Variants in KLHL17 observed in about 807,000 individuals in gnomAD.
KLHL17 encodes the protein kelch-like protein 17.
A neutral mutation model predicts 64.6 loss-of-function variants in KLHL17; 71 were observed. That is an observed-to-expected ratio of 1.10 (90% CI 0.91 to 1.34). The LOEUF is 1.34. Ranked by LOEUF, KLHL17 falls within the 40% of genes most tolerant of loss-of-function variation. The pLI is 0.00. For missense variants in KLHL17, 1,140 were observed against 935.0 expected (o/e 1.22, Z -2.86); for synonymous variants, 612 against 405.4 (o/e 1.51, Z -6.12).
chr1:964,954 TC>T lies in KLHL17; in HGVS notation c.1701-3del. 6.3e-7 allele frequency: 1 copy of T among 1,583,538 alleles called. No individual in the cohort carries two copies. Among genetic ancestry groups the T allele is most frequent in the Non-Finnish European group, 8.6e-7 (1 of 1,159,254 alleles). ...CTGCAGCCAGGGGCTCACCCCGCCT[TC>T]CCCCCAGGAGCACGCATGACCTGGT... On this transcript the variant is annotated splice_polypyrimidine_tract_variant and splice_region_variant and intron_variant, in intron 11 of 11. Coordinates refer to ENST00000338591, the MANE Select transcript of KLHL17 (RefSeq NM_198317.3).
At chr1:962,578 G>C (rs1276789472) in intron 5 of KLHL17, 107 bp downstream of exon 5, 2 of 1,529,884 alleles carry the variant, frequency 1.3e-6, no homozygotes, top group Non-Finnish European at 1.8e-6. Context: ...CCGTGGGGGT[G>C]GTGCCCCCAC....
At chr1:963,054 T>C (rs1461762997) in intron 6 of KLHL17, 55 bp from the exon 7 acceptor site, 3 of 1,590,986 alleles carry the variant, frequency 1.9e-6, no homozygotes, top group South Asian at 1.1e-5. Context: ...GAGCCTGGGG[T>C]GTGGCCCAGC....
chr1:962,005 C>T lies in KLHL17; in HGVS notation c.669C>T (p.Asp223=), dbSNP rs778990282. Residue 223 remains aspartate (D), a synonymous_variant, in exon 4 of 12, where the codon GAC becomes GAT. Coordinates refer to ENST00000338591, the MANE Select transcript of KLHL17 (RefSeq NM_198317.3). ...AHRYVLQHFV[D]VAKTEEFMLL... The stretch of plus-strand genomic sequence containing the variant: ...GGTACGTGCTGCAGCACTTCGTGGA[C>T]GTGGCCAAGACCGAGGAGTTTATGC... 27 of 1,612,772 alleles carry T rather than the reference C, an allele frequency of 1.7e-5. No individual in the cohort carries two copies. The highest frequency in any genetic ancestry group is 4.4e-5 in the South Asian group (4 of 91,092).
chr1:964,195 C>T lies in KLHL17; in HGVS notation c.1518+15C>T, dbSNP rs1346797902. 4 of 1,611,872 alleles carry T rather than the reference C, an allele frequency of 2.5e-6. No homozygotes were observed. Among genetic ancestry groups the T allele is most frequent in the Admixed American group, 1.7e-5 (1 of 60,014 alleles). Reference sequence around the variant, plus strand: ...ATGAGCCCCAGGTGCATAGTGCACCCCTCCTGGCCACCCCCTCCCGTGCGC... The same window carrying T: ...ATGAGCCCCAGGTGCATAGTGCACCTCTCCTGGCCACCCCCTCCCGTGCGC... On this transcript the variant is annotated intron_variant, in intron 10 of 11. Coordinates refer to ENST00000338591, the MANE Select transcript of KLHL17 (RefSeq NM_198317.3).
Position 961,617 on chromosome 1 carries a change from C to T in KLHL17, c.368-12C>T, listed in dbSNP as rs2100413798. 6.2e-7 allele frequency: 1 copy of T among 1,612,804 alleles called. No individual in the cohort carries two copies. Among genetic ancestry groups the T allele is most frequent in the Non-Finnish European group, 8.5e-7 (1 of 1,179,964 alleles). ...CCCTCGGGTCAGCTCGTGTAACCCGCTGTCCCCGCAGATGAGATGAGCGAG... is the reference window on the plus strand; with the variant it reads ...CCCTCGGGTCAGCTCGTGTAACCCGTTGTCCCCGCAGATGAGATGAGCGAG... On this transcript the variant is annotated splice_polypyrimidine_tract_variant and intron_variant, in intron 2 of 11. Coordinates refer to ENST00000338591, the MANE Select transcript of KLHL17 (RefSeq NM_198317.3).
At position 961,067 on chromosome 1, in the gene KLHL17, G is replaced by T. The variant is rs1043567602; in HGVS notation, c.108-226G>T. 1.4e-3 allele frequency: 274 copies of T among 195,568 alleles called. 4 individuals carry two copies. The highest frequency in any genetic ancestry group is 1.8e-4 in the Non-Finnish European group (20 of 108,532). 12.1% of individuals were successfully genotyped at this position (195,568 alleles called of 1,614,324 possible). A position where few individuals can be genotyped will look rare whatever the true frequency, so the allele number is the denominator to read the frequency against. On this transcript the variant is annotated intron_variant, in intron 1 of 11. Transcript: ENST00000338591. Reference sequence around the variant, plus strand: ...CGCCGGGAAGCGGGGCCGGACGCGGGGCTCTGTTCGCGGCTCTGACTACGC... The same window carrying T: ...CGCCGGGAAGCGGGGCCGGACGCGGTGCTCTGTTCGCGGCTCTGACTACGC...
At chr1:961,263 G>T (rs745570976) in intron 1 of KLHL17, 30 bp from the exon 2 acceptor site, 4 of 1,414,456 alleles carry the variant, frequency 2.8e-6, no homozygotes, top group Non-Finnish European at 3.6e-6. Flanking sequence ...GCTCCAGCGG[G>T]GCGAAGCCTG....
At position 964,188 on chromosome 1, in the gene KLHL17, G is replaced by T. The variant is rs774241774; in HGVS notation, c.1518+8G>T. On this transcript the variant is annotated splice_region_variant and intron_variant, in intron 10 of 11. Transcript: ENST00000338591. ...GAGAAGTATGAGCCCCAGGTGCATA[G>T]TGCACCCCTCCTGGCCACCCCCTCC... 2 of 1,612,268 alleles carry T rather than the reference G, an allele frequency of 1.2e-6. No individual in the cohort carries two copies. The highest frequency in any genetic ancestry group is 3.3e-5 in the Admixed American group (2 of 60,016).
Position 964,028 on chromosome 1 carries a change from TG to T in KLHL17, c.1444+26del, listed in dbSNP as rs761075987. The T allele has an allele frequency of 1.2e-6, 2 of 1,612,336 alleles. No individual in the cohort carries two copies. The highest frequency in any genetic ancestry group is 2.2e-5 in the East Asian group (1 of 44,894). On this transcript the variant is annotated intron_variant, in intron 9 of 11. Coordinates refer to ENST00000338591, the MANE Select transcript of KLHL17 (RefSeq NM_198317.3). ...CGCTTGGTGGGTGATGGGGCCTGCC[TG>T]GGGGGCATCCCCACCTTCCCCCACC...
intron 1 of KLHL17, 35 bp from the exon 2 acceptor site, chr1:961,258 A>G: frequency 7.4e-7 from 1 of 1,357,908 alleles, no homozygotes; most frequent in Non-Finnish European, 9.4e-7. Flanking sequence ...GGGCGGCTCC[A>G]GCGGGGCGAA....
At chr1:964,265 T>C in intron 10 of KLHL17, 84 bp from the exon 11 acceptor site, 1 of 1,592,998 alleles carries the variant, frequency 6.3e-7, no homozygotes, top group Non-Finnish European at 8.6e-7. Flanking sequence ...CCCCCATTCC[T>C]GACACCCCAC....
At chr1:964,237 C>T (rs1024894310) in intron 10 of KLHL17, 57 bp downstream of exon 10, 5 of 1,604,044 alleles carry the variant, frequency 3.1e-6, no homozygotes, top group African/African-American at 1.3e-5. Flanking sequence ...GCCCTCCTCC[C>T]TCTGTTTACC....
chr1:960,603 C>A lies in KLHL17; in HGVS notation c.-91C>A. ...AGCGGCGGGAGTGAGCGACACAGAG[C>A]GGGCCGCCACCGCCGAGCAGCCCTC... On this transcript the variant is annotated 5_prime_UTR_variant, in exon 1 of 12. Transcript: ENST00000338591. 8.9e-7 allele frequency: 1 copy of A among 1,128,256 alleles called. No homozygotes were observed. The highest frequency in any genetic ancestry group is 1.1e-6 in the Non-Finnish European group (1 of 900,896). 69.9% of individuals were successfully genotyped at this position (1,128,256 alleles called of 1,614,324 possible).
intron 4 of KLHL17, 58 bp from the exon 5 acceptor site, chr1:962,297 G>T: frequency 6.2e-7 from 1 of 1,608,506 alleles, no homozygotes; most frequent in Non-Finnish European, 8.5e-7. Context: ...CATCTTCAGG[G>T]CTCCCTGGGT....
intron 11 of KLHL17, 48 bp from the exon 12 acceptor site, chr1:964,915 C>T (rs775757534): frequency 7.2e-7 from 1 of 1,389,392 alleles, no homozygotes; most frequent in East Asian, 2.5e-5. Flanking sequence ...CAGCCCCTCC[C>T]CCCGCATCCC....
chr1:964,126 G>A lies in KLHL17; in HGVS notation c.1464G>A (p.Val488=), dbSNP rs774003365. ...CGGCAGATGGGAACCTGTATGCTGT[G>A]GGCGGCTACGACAGCTCCTCACACC... ...VATLDGNLYA[V]GGYDSSSHLA... Residue 488 remains valine, a synonymous_variant, in exon 10 of 12, where the codon GTG becomes GTA. Coordinates refer to ENST00000338591, the MANE Select transcript of KLHL17 (RefSeq NM_198317.3). 4 of 1,612,570 alleles carry A rather than the reference G, an allele frequency of 2.5e-6. No individual in the cohort carries two copies. Among genetic ancestry groups the A allele is most frequent in the East Asian group, 2.2e-5 (1 of 44,888 alleles).
rs1383308178 is a variant in KLHL17, at chr1:964,338, C to G, written c.1519-11C>G. The G allele has an allele frequency of 6.4e-7, 1 of 1,554,652 alleles. No individual in the cohort carries two copies. Among genetic ancestry groups the G allele is most frequent in the South Asian group, 1.2e-5 (1 of 85,714 alleles). The stretch of plus-strand genomic sequence containing the variant: ...GGCGGGTCTGCGTCCAGCCCACGCC[C>G]TCGCCCCCAGGTGAACGTGTGGTCG... On this transcript the variant is annotated splice_polypyrimidine_tract_variant and intron_variant, in intron 10 of 11. Transcript: ENST00000338591.
chr1:961,316 C>G lies in KLHL17; in HGVS notation c.131C>G (p.Pro44Arg). ...PPAPEAERTR[P>R]RQARPAAPME... is the part of the protein sequence containing the mutation. ...AGCCCCGAGGCAGAGCGCACGCGGC[C>G]CCGGCAGGCTCGGCCCGCAGCCCCC... The change falls in exon 2 of 12, where the codon CCC becomes CGC. Residue 44 changes from proline to arginine, a missense_variant. Physicochemically the swap from Pro to Arg is moderately radical, Grantham distance 103. Coordinates refer to ENST00000338591, the MANE Select transcript of KLHL17 (RefSeq NM_198317.3). 1 of 1,530,902 alleles carries G rather than the reference C, an allele frequency of 6.5e-7. No individual in the cohort carries two copies. Among genetic ancestry groups the G allele is most frequent in the Non-Finnish European group, 8.7e-7 (1 of 1,144,976 alleles). The allele number at this position is 1,530,902 out of a possible 1,614,324, so 94.8% of individuals were successfully genotyped here. A position where few individuals can be genotyped will look rare whatever the true frequency, so the allele number is the denominator to read the frequency against.
chr1:960,683 C>T lies in KLHL17; in HGVS notation c.-11C>T. On this transcript the variant is annotated 5_prime_UTR_variant, in exon 1 of 12. Transcript: ENST00000338591. ...GGTCCTCCGCGAATCGGCGGTGGGT[C>T]CGGCAGCCGAATGCAGCCCCGCAGC... The T allele has an allele frequency of 2.2e-6, 3 of 1,376,102 alleles. No homozygotes were observed. Among genetic ancestry groups the T allele is most frequent in the South Asian group, 1.4e-5 (1 of 70,046 alleles). 85.2% of individuals were successfully genotyped at this position (1,376,102 alleles called of 1,614,324 possible). A position where few individuals can be genotyped will look rare whatever the true frequency, so the allele number is the denominator to read the frequency against.
Sources: gnomAD v4.1 joint callset for allele counts on GRCh38, gnomAD v4.1.1 for gene constraint, MANE v1.5 for transcripts, NCBI Gene and HGNC (gene_info 2026-07-23, HGNC 2026-07-21) for gene names.